Variants in TGM2 observed in about 807,000 individuals in gnomAD.
TGM2 encodes the protein protein-glutamine gamma-glutamyltransferase 2.
TGM2 carries 53 observed loss-of-function variants against 75.6 expected under a neutral mutation model. That is an observed-to-expected ratio of 0.70 (90% confidence interval 0.56 to 0.88). TGM2 has a LOEUF of 0.88. TGM2 is among the 40% of genes least tolerant of loss of function. The pLI is 0.00. For missense variants in TGM2, 842 were observed against 928.5 expected, an observed-to-expected ratio of 0.91 and a Z score of 1.21; for synonymous variants, 374 against 381.1, an observed-to-expected ratio of 0.98 and a Z score of 0.22.
At chr20:38,132,306 C>T (rs1568681453) in intron 11 of TGM2, 34 bp downstream of exon 11, 1 of 1,613,488 alleles carries the variant, frequency 6.2e-7, no homozygotes, top group Non-Finnish European at 8.5e-7. Context: ...CTGAGCTGCC[C>T]TGGGACCCTG....
At chr20:38,135,404 T>TAC (rs111420640) in intron 10 of TGM2, among the ~76,000 whole-genome samples, 5,089 of 147,210 alleles carry the variant, frequency 0.035, 109 homozygotes, top group African/African-American at 0.055. Context: ...CCTAAATGTA[T>TAC]ACACACACAC....
intron 2 of TGM2, among the ~76,000 whole-genome samples, chr20:38,158,210 C>T (rs45516598): frequency 6.6e-4 from 101 of 152,350 alleles, no homozygotes; most frequent in African/African-American, 2.4e-3. Context: ...AACGCATTTC[C>T]CTTTCTCTCT....
At chr20:38,154,413 G>C (rs1243669487) in intron 3 of TGM2, among the ~76,000 whole-genome samples, 1 of 152,164 alleles carries the variant, frequency 6.6e-6, no homozygotes, top group Non-Finnish European at 1.5e-5. Flanking sequence ...AGAATAGGAA[G>C]GAAACAGATC....
At chr20:38,136,395 C>T (rs1207150767) in intron 10 of TGM2, among the ~76,000 whole-genome samples, 2 of 152,160 alleles carry the variant, frequency 1.3e-5, no homozygotes, top group East Asian at 3.9e-4. Flanking sequence ...GACGGGGAAA[C>T]AAACTCTGTA....
chr20:38,156,119 T>A (rs1331569744), intron 2 of TGM2, 30 bp from the exon 3 acceptor site: 1 of 1,606,254 alleles, frequency 6.2e-7, no homozygotes, highest in African/African-American at 1.3e-5. Context: ...AGCCGTGAGC[T>A]AGGGGTAGCA....
At chr20:38,141,192 C>G in intron 8 of TGM2, 90 bp downstream of exon 8, 1 of 1,085,692 alleles carries the variant, frequency 9.2e-7, no homozygotes. Flanking sequence ...CGGGTGAGCT[C>G]CTAGTTCTGC....
Position 38,130,382 on chromosome 20 carries a change from A to G in TGM2, c.1914-13T>C, listed in dbSNP as rs1414198150. ...CACGGGGTCTGGGCTGCAGGGAGAG[A>G]GGGGGTGGTGAGGAAAGGGGCCCAA... On this transcript the variant is annotated splice_polypyrimidine_tract_variant and intron_variant, in intron 12 of 12. Coordinates refer to ENST00000361475, the MANE Select transcript of TGM2 (RefSeq NM_004613.4). The G allele has an allele frequency of 1.0e-5, 16 of 1,578,310 alleles. No individual in the cohort carries two copies. Among genetic ancestry groups the G allele is most frequent in the Non-Finnish European group, 1.3e-5 (15 of 1,161,970 alleles).
At chr20:38,162,190 C>A (rs1317460653) in intron 1 of TGM2, among the ~76,000 whole-genome samples, 1 of 152,172 alleles carries the variant, frequency 6.6e-6, no homozygotes, top group Non-Finnish European at 1.5e-5. Flanking sequence ...GCCATGGGAC[C>A]AGCAGTATCT....
chr20:38,146,638 G>C (rs778872204), intron 6 of TGM2, 79 bp downstream of exon 6: 4 of 1,548,266 alleles, frequency 2.6e-6, no homozygotes, highest in Non-Finnish European at 3.5e-6. Context: ...GACCAGGGCA[G>C]GGATGTCCTG....
intron 9 of TGM2, 75 bp downstream of exon 9, chr20:38,139,337 A>G (rs2122875554): frequency 6.2e-7 from 1 of 1,609,610 alleles, no homozygotes; most frequent in Middle Eastern, 1.7e-4. Flanking sequence ...ACGCACACAC[A>G]TACACGAGCC....
At chr20:38,133,133 C>T (rs1467428643) in intron 10 of TGM2, 2 of 306,648 alleles carry the variant, frequency 6.5e-6, no homozygotes, top group African/African-American at 4.3e-5. Flanking sequence ...ACTAATAATC[C>T]AGATCTTAGA....
At chr20:38,138,733 C>T (rs2074932133) in intron 9 of TGM2, among the ~76,000 whole-genome samples, 1 of 152,192 alleles carries the variant, frequency 6.6e-6, no homozygotes, top group Non-Finnish European at 1.5e-5. Context: ...TTGGTGCATA[C>T]TAGGCACGAA....
At chr20:38,146,063 T>G (rs555366091) in intron 6 of TGM2, 1 of 155,000 alleles carries the variant, frequency 6.5e-6, no homozygotes, top group African/African-American at 2.4e-5. Context: ...TGCTAACCCA[T>G]TCTCATAAGC....
intron 11 of TGM2, among the ~76,000 whole-genome samples, chr20:38,131,847 T>G (rs1479763569): frequency 6.6e-6 from 1 of 152,062 alleles, no homozygotes; most frequent in Non-Finnish European, 1.5e-5. Flanking sequence ...GATGGCTCTA[T>G]GTGTTTCCTG....
chr20:38,130,400 G>C, intron 12 of TGM2, 31 bp from the exon 13 acceptor site: 1 of 1,566,360 alleles, frequency 6.4e-7, no homozygotes, highest in Non-Finnish European at 8.7e-7. Context: ...GTGAGGAAAG[G>C]GGCCCAAGGC....
chr20:38,165,664 C>T (rs572447451), upstream of TGM2, among the ~76,000 whole-genome samples: 339 of 142,130 alleles, frequency 2.4e-3, 1 homozygote, highest in African/African-American at 8.4e-3. Context: ...AACACCTCCC[C>T]ACCCCCAACA....
rs1358899090 is a variant in TGM2, at chr20:38,139,393, A to G, written c.1342+19T>C. The G allele has an allele frequency of 6.2e-7, 1 of 1,614,042 alleles. No homozygotes were observed. Among genetic ancestry groups the G allele is most frequent in the South Asian group, 1.1e-5 (1 of 91,016 alleles). On this transcript the variant is annotated intron_variant, in intron 9 of 12. Coordinates refer to ENST00000361475, the MANE Select transcript of TGM2 (RefSeq NM_004613.4). ...ATGCTTATCTTCAAGGCTGCATTAAAGACTCTGAGGGCACATACCCTCTGG... is the reference window on the plus strand; with the variant it reads ...ATGCTTATCTTCAAGGCTGCATTAAGGACTCTGAGGGCACATACCCTCTGG...
chr20:38,166,784 C>T (rs2075313951), upstream of TGM2, among the ~76,000 whole-genome samples: 1 of 152,202 alleles, frequency 6.6e-6, no homozygotes, highest in Admixed American at 6.5e-5. Context: ...TCTCAGTGAA[C>T]AAACCCACAA....
intron 10 of TGM2, among the ~76,000 whole-genome samples, chr20:38,137,601 A>C (rs2074915309): frequency 6.6e-6 from 1 of 152,184 alleles, no homozygotes; most frequent in African/African-American, 2.4e-5. Flanking sequence ...ATCACTGTGG[A>C]AAGTGCAACA....
Sources: gnomAD v4.1 joint callset for allele counts (sites outside exome capture counted in the v4.1 genomes callset) on GRCh38, gnomAD v4.1.1 for gene constraint, MANE v1.5 for transcripts, NCBI Gene and HGNC (gene_info 2026-07-23, HGNC 2026-07-21) for gene names.